The following POLE2 variants were observed in gnomAD, a reference collection of about 807,000 sequenced individuals.
The protein encoded by POLE2 is DNA polymerase epsilon 2, accessory subunit, also known as DNA polymerase epsilon subunit 2.
In POLE2, 56 loss-of-function variants were observed where a neutral mutation model predicts 79.4. That is an observed-to-expected ratio of 0.71 (90% CI 0.57 to 0.88). The LOEUF (loss-of-function observed/expected upper bound fraction) is 0.88, where lower values mean the gene tolerates loss of function less well. POLE2 is among the 40% of genes least tolerant of loss of function. The probability of loss-of-function intolerance (pLI) is 0.00; values close to 1 mark genes in which losing one functional copy is unlikely to be tolerated. For missense variants in POLE2, 598 were observed against 638.9 expected, an observed-to-expected ratio of 0.94 and a Z score of 0.69; for synonymous variants, 212 against 214.0, an observed-to-expected ratio of 0.99 and a Z score of 0.08.
intron 17 of POLE2, among the ~76,000 whole-genome samples, chr14:49,648,302 A>G (rs1044612710): frequency 1.3e-5 from 2 of 152,226 alleles, no homozygotes; most frequent in Admixed American, 1.3e-4. Flanking sequence ...AGTAATGTCT[A>G]AGGCTAGTTT....
chr14:49,665,530 G>A (rs1397697288), intron 7 of POLE2, among the ~76,000 whole-genome samples: 5 of 152,120 alleles, frequency 3.3e-5, no homozygotes, highest in Admixed American at 3.3e-4. Context: ...AGTACTCTCC[G>A]TTTATCCAGA....
intron 18 of POLE2, among the ~76,000 whole-genome samples, chr14:49,646,290 G>GC (rs35764209): frequency 0.29 from 27,720 of 95,966 alleles, 3,517 homozygotes; most frequent in African/African-American, 0.37. Flanking sequence ...TTGGTCAGTT[G>GC]TTTTTTTGTT....
intron 10 of POLE2, among the ~76,000 whole-genome samples, chr14:49,659,702 T>G (rs1297258514): frequency 6.6e-6 from 1 of 152,160 alleles, no homozygotes; most frequent in Non-Finnish European, 1.5e-5. Context: ...CACTTCAGCT[T>G]GCCAAGTAGC....
rs1226662841 is a variant in POLE2, at chr14:49,674,409, G to A, written c.264C>T (p.Ile88=). The part of the protein sequence containing the change: ...VDETIEHVFN[I]IGAFDIPRFV... ...AGCGTGGAATATCAAATGCTCCTAT[G>A]ATATTGAAAACGTGCTCTCTGAAAA... Residue 88 remains isoleucine (I), a synonymous_variant, in exon 4 of 19, where the codon ATC becomes ATT. Coordinates refer to ENST00000216367, the MANE Select transcript of POLE2 (RefSeq NM_002692.4). The A allele has an allele frequency of 1.9e-6, 3 of 1,609,444 alleles. No homozygotes were observed. The highest frequency in any genetic ancestry group is 1.7e-6 in the Non-Finnish European group (2 of 1,176,506).
At chr14:49,680,946 A>G (rs1049548495) in intron 2 of POLE2, among the ~76,000 whole-genome samples, 3 of 152,202 alleles carry the variant, frequency 2.0e-5, no homozygotes, top group Non-Finnish European at 4.4e-5. Context: ...GTTCAACTGT[A>G]AAGGAATTTT....
chr14:49,679,699 G>GA, intron 3 of POLE2, 26 bp downstream of exon 3: 1 of 1,328,432 alleles, frequency 7.5e-7, no homozygotes, highest in Non-Finnish European at 1.1e-6. Context: ...CTCCAAGGAG[G>GA]AAAAAAGTTA....
chr14:49,685,754 G>A (rs1887081986), intron 1 of POLE2, among the ~76,000 whole-genome samples: 1 of 151,832 alleles, frequency 6.6e-6, no homozygotes, highest in Non-Finnish European at 1.5e-5. Flanking sequence ...GAGTAGCTGG[G>A]GTTACAGGTG....
intron 1 of POLE2, among the ~76,000 whole-genome samples, chr14:49,685,539 A>T (rs1323729079): frequency 6.6e-6 from 1 of 151,590 alleles, no homozygotes; most frequent in East Asian, 1.9e-4. Context: ...CCTTCCTGGC[A>T]CTCTCCTGCT....
rs372246512 is a variant in POLE2, at chr14:49,655,835, T to C, written c.764A>G (p.Tyr255Cys). 6.2e-6 allele frequency: 9 copies of C among 1,461,622 alleles called. No individual in the cohort carries two copies. Among genetic ancestry groups the C allele is most frequent in the Admixed American group, 1.9e-5 (1 of 53,272 alleles). The allele number at this position is 1,461,622 out of a possible 1,614,324, so 90.5% of individuals were successfully genotyped here. The part of the protein sequence containing the change: ...TEPSSTTRAY[Y>C]GNINFFGGPS... ...ACCTCCAAAAAAATTAATATTTCCA[T>C]AGTATGCCCTAGATAATTATAACAT... The change falls in exon 11 of 19, where the codon TAT (tyrosine) becomes TGT (cysteine). Residue 255 changes from tyrosine (Y) to cysteine (C), a missense_variant. By Grantham distance (194) the Tyr-to-Cys change is radical. Transcript: ENST00000216367.
intron 5 of POLE2, among the ~76,000 whole-genome samples, chr14:49,670,010 G>A (rs1885760051): frequency 6.6e-6 from 1 of 152,010 alleles, no homozygotes; most frequent in Non-Finnish European, 1.5e-5. Flanking sequence ...AGAAACAAAA[G>A]GAGTCTGAGA....
intron 17 of POLE2, among the ~76,000 whole-genome samples, chr14:49,649,519 C>T (rs773017853): frequency 3.3e-5 from 5 of 150,332 alleles, no homozygotes; most frequent in African/African-American, 7.4e-5. Context: ...GCGTGATCTC[C>T]GCTCACTGCA....
At chr14:49,646,302 G>GTT (rs1162033821) in intron 18 of POLE2, among the ~76,000 whole-genome samples, 2,300 of 84,180 alleles carry the variant, frequency 0.027, 234 homozygotes, top group East Asian at 0.068. Flanking sequence ...TTTTTTGTTG[G>GTT]TTTTTTTTTT....
intron 15 of POLE2, among the ~76,000 whole-genome samples, chr14:49,652,543 C>G (rs1335128086): frequency 6.6e-6 from 1 of 152,116 alleles, no homozygotes; most frequent in African/African-American, 2.4e-5. Context: ...GTATTACATC[C>G]TGACCTCTGC....
intron 10 of POLE2, among the ~76,000 whole-genome samples, chr14:49,658,739 C>G (rs1258455117): frequency 6.6e-6 from 1 of 152,194 alleles, no homozygotes; most frequent in Non-Finnish European, 1.5e-5. Context: ...TGTAGAGACA[C>G]TGGTGTATAC....
chr14:49,679,487 A>C (rs1886542647), intron 3 of POLE2: 4 of 387,738 alleles, frequency 1.0e-5, no homozygotes, highest in Non-Finnish European at 1.4e-5. Context: ...TAGGCAGCAA[A>C]AGTTAGTAAT....
intron 5 of POLE2, among the ~76,000 whole-genome samples, chr14:49,671,419 C>T (rs1388493067): frequency 6.6e-6 from 1 of 151,534 alleles, no homozygotes; most frequent in Non-Finnish European, 1.5e-5. Context: ...GAGATGGAGA[C>T]CATTCTGGCT....
chr14:49,679,841 A>G (rs755738091), intron 2 of POLE2, 41 bp from the exon 3 acceptor site: 2 of 1,126,974 alleles, frequency 1.8e-6, no homozygotes, highest in African/African-American at 1.6e-5. Context: ...AAAACAAAAA[A>G]AAAAATAGTT....
chr14:49,676,685 G>C (rs534885955), intron 3 of POLE2, among the ~76,000 whole-genome samples: 3 of 152,382 alleles, frequency 2.0e-5, no homozygotes, highest in African/African-American at 7.2e-5. Context: ...ATGGGCCTGA[G>C]CCATGCACCT....
At chr14:49,678,409 T>A (rs144760191) in intron 3 of POLE2, among the ~76,000 whole-genome samples, 2 of 152,234 alleles carry the variant, frequency 1.3e-5, no homozygotes, top group East Asian at 3.9e-4. Context: ...ATATGGTACA[T>A]GGCTCTGTGC....
Sources: gnomAD v4.1 joint callset for allele counts (sites outside exome capture counted in the v4.1 genomes callset) on GRCh38, gnomAD v4.1.1 for gene constraint, MANE v1.5 for transcripts, NCBI Gene and HGNC (gene_info 2026-07-23, HGNC 2026-07-21) for gene names.